Variants in PITPNB observed in about 807,000 individuals in gnomAD.
PITPNB encodes phosphatidylinositol transfer protein beta isoform.
In PITPNB, 16 loss-of-function variants were observed where a neutral mutation model predicts 45.9. The observed-to-expected ratio is 0.35, with a 90% CI of 0.24 to 0.53. The LOEUF (loss-of-function observed/expected upper bound fraction) is 0.53. Ranked by LOEUF, PITPNB falls within the 20% of genes least tolerant of loss-of-function variation. The pLI is 0.93. For synonymous variants in PITPNB, 112 were observed against 108.9 expected, an observed-to-expected ratio of 1.03 and a Z score of -0.18; for missense variants, 188 against 330.5, an observed-to-expected ratio of 0.57 and a Z score of 3.34.
rs144866816 is a variant in PITPNB, at chr22:27,915,901, G to A, written c.21-1554C>T. Among the ~76,000 whole-genome samples, 57 of 152,270 alleles carry A rather than the reference G, an allele frequency of 3.7e-4. 1 individual carries two copies. The highest frequency in any genetic ancestry group is 1.3e-3 in the African/African-American group (55 of 41,556). ...AAGGAATCCCAAAAGGTTGGTCCAA[G>A]AGGTAAGTGACAACTACTGCTGACC... On this transcript the variant is annotated intron_variant, in intron 1 of 11. Transcript: ENST00000335272.
intron 8 of PITPNB, among the ~76,000 whole-genome samples, chr22:27,869,962 G>GT (rs527634280): frequency 0.01 from 1,596 of 152,228 alleles, 21 homozygotes; most frequent in South Asian, 0.017. Context: ...TACCACTAGT[G>GT]TAACAGAAAT....
chr22:27,858,899 A>T (rs1439235649), intron 9 of PITPNB, among the ~76,000 whole-genome samples: 1 of 152,226 alleles, frequency 6.6e-6, no homozygotes. Context: ...CATTCTTAAC[A>T]TTCACTATGA....
intron 7 of PITPNB, among the ~76,000 whole-genome samples, chr22:27,884,692 CGAG>C (rs1935066346): frequency 6.6e-6 from 1 of 152,080 alleles, no homozygotes; most frequent in South Asian, 2.1e-4. Flanking sequence ...TGCTGAAAGA[CGAG>C]GGGAAAAATT....
intron 11 of PITPNB, among the ~76,000 whole-genome samples, chr22:27,854,618 G>C (rs1344824052): frequency 1.3e-5 from 2 of 152,222 alleles, no homozygotes; most frequent in African/African-American, 4.8e-5. Context: ...CTGGCAGCTG[G>C]GTTCTAACCC....
At chr22:27,900,036 T>C (rs1179591031) in intron 3 of PITPNB, among the ~76,000 whole-genome samples, 1 of 151,920 alleles carries the variant, frequency 6.6e-6, no homozygotes, top group Non-Finnish European at 1.5e-5. Flanking sequence ...AACCCATCTC[T>C]ACTAAAAATA....
intron 3 of PITPNB, among the ~76,000 whole-genome samples, chr22:27,910,242 G>A (rs546257516): frequency 1.3e-4 from 19 of 151,992 alleles, no homozygotes; most frequent in African/African-American, 3.6e-4. Context: ...GAGCCACCGC[G>A]CCTGGCCAAT....
At chr22:27,902,173 C>A (rs1935614040) in intron 3 of PITPNB, among the ~76,000 whole-genome samples, 1 of 152,074 alleles carries the variant, frequency 6.6e-6, no homozygotes, top group Non-Finnish European at 1.5e-5. Context: ...TCGGGAAGGC[C>A]TCTCTGAGGA....
chr22:27,890,142 G>C (rs912636716), intron 7 of PITPNB, among the ~76,000 whole-genome samples: 3 of 152,052 alleles, frequency 2.0e-5, no homozygotes, highest in African/African-American at 7.2e-5. Flanking sequence ...TGCACCACTA[G>C]ATTTCACAGT....
intron 7 of PITPNB, among the ~76,000 whole-genome samples, chr22:27,885,647 T>G (rs1935102648): frequency 6.6e-6 from 1 of 152,158 alleles, no homozygotes; most frequent in Admixed American, 6.5e-5. Flanking sequence ...AATGCTGGAA[T>G]TGCAGGCATG....
At chr22:27,884,568 G>C (rs943786832) in intron 7 of PITPNB, among the ~76,000 whole-genome samples, 2 of 152,172 alleles carry the variant, frequency 1.3e-5, no homozygotes, top group Non-Finnish European at 2.9e-5. Context: ...ATCATCCTTG[G>C]TGATGCTGAA....
chr22:27,890,194 C>A (rs1025183477), intron 7 of PITPNB, among the ~76,000 whole-genome samples: 2 of 152,060 alleles, frequency 1.3e-5, no homozygotes, highest in Admixed American at 6.5e-5. Flanking sequence ...AGCTCTCCTG[C>A]CACCACCCAT....
chr22:27,880,698 C>T (rs1029960447), intron 7 of PITPNB, among the ~76,000 whole-genome samples: 2 of 152,068 alleles, frequency 1.3e-5, no homozygotes, highest in African/African-American at 4.8e-5. Context: ...TCTCGGCTCA[C>T]TACAACCTCC....
chr22:27,913,431 T>C (rs1345087542), intron 2 of PITPNB, among the ~76,000 whole-genome samples: 4 of 152,234 alleles, frequency 2.6e-5, no homozygotes, highest in African/African-American at 4.8e-5. Context: ...GTGTGCAAGT[T>C]ACAGAAGAGC....
At chr22:27,865,648 A>G (rs977845766) in intron 8 of PITPNB, among the ~76,000 whole-genome samples, 2 of 152,184 alleles carry the variant, frequency 1.3e-5, no homozygotes, top group Non-Finnish European at 2.9e-5. Flanking sequence ...AGAGGTTCAC[A>G]GCCTGTGGCA....
intron 6 of PITPNB, among the ~76,000 whole-genome samples, chr22:27,895,488 G>A (rs772824614): frequency 1.3e-5 from 2 of 151,536 alleles, no homozygotes; most frequent in African/African-American, 2.4e-5. Flanking sequence ...TACTTGGGAG[G>A]CTGAGGCAGG....
In PITPNB at chr22:27,919,185, G is replaced by A. The variant is rs1181160326; in HGVS notation, c.7C>T (p.Leu3=). 4 of 1,613,676 alleles carry A rather than the reference G, an allele frequency of 2.5e-6. No homozygotes were observed. The highest frequency in any genetic ancestry group is 2.7e-5 in the African/African-American group (2 of 74,922). Residue 3 remains leucine (L), a synonymous_variant, in exon 1 of 12, where the codon CTG becomes TTG. Coordinates refer to ENST00000335272, the MANE Select transcript of PITPNB (RefSeq NM_012399.5). ...AGACCCACTCACAATTCCTTGATCA[G>A]CACCATCTTCCCGGAACCCCCTCAC... MV[L]IKEFRVVLPC... is the part of the protein sequence containing the mutation.
Position 27,893,436 on chromosome 22 carries a change from C to T in PITPNB, c.456+1119G>A, listed in dbSNP as rs541090190. 7.9e-5 allele frequency among the ~76,000 whole-genome samples: 12 copies of T among 151,982 alleles called. No homozygotes were observed. In the South Asian group the frequency reaches 2.5e-3, roughly 32 times the overall value. On this transcript the variant is annotated intron_variant, in intron 7 of 11. Transcript: ENST00000335272. ...AGTAGCTGGGACTATAGGCGCCCAC[C>T]ACCATACCGGCTAATTTTTTGTATT...
chr22:27,856,936 T>A (rs1934191041), intron 10 of PITPNB, among the ~76,000 whole-genome samples: 1 of 152,108 alleles, frequency 6.6e-6, no homozygotes, highest in Non-Finnish European at 1.5e-5. Context: ...GAAAGGCACC[T>A]GACTCTTGAA....
chr22:27,854,232 T>A (rs1286810290), intron 11 of PITPNB, among the ~76,000 whole-genome samples: 1 of 151,094 alleles, frequency 6.6e-6, no homozygotes, highest in Admixed American at 6.6e-5. Context: ...GTGAGGGAGA[T>A]TTTGATTTTT....
Sources: allele counts gnomAD v4.1 joint callset (sites outside exome capture counted in the v4.1 genomes callset), GRCh38; gene constraint gnomAD v4.1.1; transcripts MANE v1.5; gene names NCBI Gene and HGNC (gene_info 2026-07-23, HGNC 2026-07-21).